The following ARHGAP32 variants were observed in gnomAD, a reference collection of about 807,000 sequenced individuals.
ARHGAP32 encodes rho GTPase-activating protein 32.
In ARHGAP32, 51 loss-of-function variants were observed where a neutral mutation model predicts 186.5. That is an observed-to-expected ratio of 0.27 (90% CI 0.22 to 0.35). The LOEUF (loss-of-function observed/expected upper bound fraction) is 0.35, where lower values mean the gene tolerates loss of function less well. ARHGAP32 is among the 10% of genes least tolerant of loss of function. ARHGAP32 has a pLI of 1.00. For missense variants in ARHGAP32, 2,186 were observed against 2,623.5 expected (o/e 0.83, Z 3.64); for synonymous variants, 950 against 964.3 (o/e 0.99, Z 0.27).
At chr11:129,055,409 T>C (rs184811326) in intron 10 of ARHGAP32, among the ~76,000 whole-genome samples, 346 of 152,380 alleles carry the variant, frequency 2.3e-3, no homozygotes, top group African/African-American at 8.2e-3. Flanking sequence ...TCTTACCATA[T>C]GATCCAGCAA....
chr11:129,029,631 G>A (rs555968393), intron 11 of ARHGAP32, among the ~76,000 whole-genome samples: 34 of 151,980 alleles, frequency 2.2e-4, no homozygotes, highest in African/African-American at 7.5e-4. Flanking sequence ...GTGAAACCCC[G>A]TCTCTACTAA....
intron 1 of ARHGAP32, among the ~76,000 whole-genome samples, chr11:129,218,482 A>G (rs1944672310): frequency 6.6e-6 from 1 of 152,090 alleles, no homozygotes; most frequent in African/African-American, 2.4e-5. Flanking sequence ...CCCCCTACAC[A>G]AAATCCTACT....
chr11:129,226,601 C>G (rs1265027780), intron 1 of ARHGAP32, among the ~76,000 whole-genome samples: 1 of 151,948 alleles, frequency 6.6e-6, no homozygotes, highest in Non-Finnish European at 1.5e-5. Flanking sequence ...AAATTGTTAA[C>G]AAGACACATA....
intron 11 of ARHGAP32, among the ~76,000 whole-genome samples, chr11:129,015,003 G>A (rs754643837): frequency 6.6e-5 from 10 of 151,984 alleles, no homozygotes; most frequent in Admixed American, 2.6e-4. Context: ...ATCTATTCAC[G>A]CTAATGAATA....
At chr11:129,142,152 T>C (rs534781737) in intron 2 of ARHGAP32, among the ~76,000 whole-genome samples, 34 of 152,276 alleles carry the variant, frequency 2.2e-4, no homozygotes, top group African/African-American at 7.5e-4. Flanking sequence ...TGAACAGTAG[T>C]GGAGACCCCT....
chr11:129,151,378 A>G (rs914635608), intron 2 of ARHGAP32, among the ~76,000 whole-genome samples: 1 of 152,204 alleles, frequency 6.6e-6, no homozygotes, highest in East Asian at 1.9e-4. Flanking sequence ...AATGGATTTA[A>G]CAGATATTTA....
At position 128,981,924 on chromosome 11, in the gene ARHGAP32, G is replaced by C; in HGVS notation, c.1539C>G (p.Phe513Leu). The C allele has an allele frequency of 6.2e-7, 1 of 1,604,120 alleles. No homozygotes were observed. Among genetic ancestry groups the C allele is most frequent in the Non-Finnish European group, 8.5e-7 (1 of 1,172,386 alleles). ...LPPPHYRTLE[F>L]LMRHLSLLAD... is the part of the protein sequence containing the mutation. ...CTAGAAGAGACAAGTGTCTCATCAG[G>C]AACTCCAGTGTTCTGGAAATAAAAT... The change falls in exon 16 of 23, where the codon TTC becomes TTG. Residue 513 changes from phenylalanine (F) to leucine (L), a missense_variant. Phe to Leu is a conservative substitution (Grantham distance 22). Transcript: ENST00000682385.
intron 11 of ARHGAP32, among the ~76,000 whole-genome samples, chr11:129,018,804 T>C (rs1452853953): frequency 6.6e-6 from 1 of 152,118 alleles, no homozygotes; most frequent in Non-Finnish European, 1.5e-5. Context: ...GCAATGTAAA[T>C]ATTAAAGGAA....
At chr11:129,055,709 T>C (rs1033286207) in intron 10 of ARHGAP32, among the ~76,000 whole-genome samples, 2 of 152,064 alleles carry the variant, frequency 1.3e-5, no homozygotes, top group Non-Finnish European at 2.9e-5. Context: ...ATTCCAACAA[T>C]ACGGATATTT....
At chr11:129,011,025 T>G (rs1938050656) in intron 11 of ARHGAP32, among the ~76,000 whole-genome samples, 1 of 152,166 alleles carries the variant, frequency 6.6e-6, no homozygotes. Context: ...TGCCATAACC[T>G]AGGAACTGCT....
chr11:129,022,164 C>A (rs1051399860), intron 11 of ARHGAP32, among the ~76,000 whole-genome samples: 11 of 152,026 alleles, frequency 7.2e-5, no homozygotes, highest in African/African-American at 2.2e-4. Flanking sequence ...TCAAAGGTAA[C>A]AGGACTACCA....
intron 1 of ARHGAP32, among the ~76,000 whole-genome samples, chr11:129,222,632 T>C (rs1025786025): frequency 1.3e-5 from 2 of 152,176 alleles, no homozygotes; most frequent in Non-Finnish European, 2.9e-5. Flanking sequence ...TAAACAGAAA[T>C]ACACCTGGGA....
intron 1 of ARHGAP32, among the ~76,000 whole-genome samples, chr11:129,243,839 G>C (rs528933976): frequency 6.6e-6 from 1 of 152,280 alleles, no homozygotes; most frequent in Non-Finnish European, 1.5e-5. Context: ...CAAGCCCAAA[G>C]TAACCCGCAC....
chr11:129,104,789 C>CA (rs1942004425), intron 5 of ARHGAP32, among the ~76,000 whole-genome samples: 2 of 152,142 alleles, frequency 1.3e-5, no homozygotes, highest in Admixed American at 6.5e-5. Flanking sequence ...CACAATCTCT[C>CA]AGAGTCAACT....
chr11:129,042,473 C>G (rs1939637121), intron 10 of ARHGAP32, among the ~76,000 whole-genome samples: 1 of 152,150 alleles, frequency 6.6e-6, no homozygotes, highest in African/African-American at 2.4e-5. Flanking sequence ...ACTCAACTTC[C>G]TATTTTACGG....
At position 129,124,859 on chromosome 11, in the gene ARHGAP32, A is replaced by T. The variant is rs752677450; in HGVS notation, c.261T>A (p.Asp87Glu). The T allele has an allele frequency of 6.2e-7, 1 of 1,611,188 alleles. No individual in the cohort carries two copies. The highest frequency in any genetic ancestry group is 1.1e-5 in the South Asian group (1 of 90,720). The change falls in exon 3 of 23, where the codon GAT becomes GAA. Residue 87 changes from aspartate (D) to glutamate (E), a missense_variant. By Grantham distance (45) the Asp-to-Glu change is conservative. Transcript: ENST00000682385. ...TACTGCCACACGTCTTAAGAGTAAG[A>T]TCTCCAGGAATCTCTGGAACATCTG... ...RGADVPEIPG[D>E]LTLKTCGSTA...
At chr11:129,021,845 G>A (rs1419591285) in intron 11 of ARHGAP32, among the ~76,000 whole-genome samples, 1 of 151,900 alleles carries the variant, frequency 6.6e-6, no homozygotes, top group Non-Finnish European at 1.5e-5. Flanking sequence ...AAGAGACTAT[G>A]ACTAATTTCA....
chr11:129,193,399 C>T (rs1944305974), upstream of ARHGAP32, among the ~76,000 whole-genome samples: 1 of 123,130 alleles, frequency 8.1e-6, no homozygotes, highest in Admixed American at 9.2e-5. Flanking sequence ...GGAGGATCGC[C>T]TGAGCCTGGG....
intron 1 of ARHGAP32, among the ~76,000 whole-genome samples, chr11:129,204,693 T>C (rs1944495085): frequency 6.6e-6 from 1 of 152,196 alleles, no homozygotes; most frequent in Non-Finnish European, 1.5e-5. Context: ...AGAGTAAAAA[T>C]GAGAATCAAC....
Sources: allele counts gnomAD v4.1 joint callset (sites outside exome capture counted in the v4.1 genomes callset), GRCh38; gene constraint gnomAD v4.1.1; transcripts MANE v1.5; gene names NCBI Gene and HGNC (gene_info 2026-07-23, HGNC 2026-07-21).